Variants in MMP20 observed in about 807,000 individuals in gnomAD.
MMP20 encodes the protein matrix metalloproteinase-20.
Under a neutral mutation model 51.8 loss-of-function variants are expected in MMP20, and 50 were observed. The ratio of observed to expected loss-of-function variants is 0.97; its 90% confidence interval spans 0.77 to 1.22. The LOEUF is 1.22. Ranked by LOEUF, MMP20 falls within the 50% of genes most tolerant of loss-of-function variation. The probability of loss-of-function intolerance (pLI) is 0.00; values close to 1 mark genes in which losing one functional copy is unlikely to be tolerated. For synonymous variants in MMP20, 244 were observed against 216.2 expected (o/e 1.13, Z -1.13); for missense variants, 663 against 601.4 (o/e 1.10, Z -1.07).
rs1859133976 is a variant in MMP20 at position 102,577,043 on chromosome 11, A to C, written c.*283T>G. ...AAAATCAAACGGATCAATCTGCTTC[A>C]GTATATTAGGTAAGAAAAAATAATG... On this transcript the variant is annotated 3_prime_UTR_variant, in exon 10 of 10. Transcript: ENST00000260228. The C allele has an allele frequency of 2.6e-6, 1 of 381,246 alleles. No individual in the cohort carries two copies. The highest frequency in any genetic ancestry group is 4.9e-6 in the Non-Finnish European group (1 of 203,860). 23.6% of individuals were successfully genotyped at this position (381,246 alleles called of 1,614,324 possible). A position where few individuals can be genotyped will look rare whatever the true frequency, so the allele number is the denominator to read the frequency against.
At chr11:102,590,922 A>T (rs1207476689) in intron 8 of MMP20, among the ~76,000 whole-genome samples, 2 of 152,198 alleles carry the variant, frequency 1.3e-5, no homozygotes, top group Non-Finnish European at 2.9e-5. Context: ...GCAGAGCAAA[A>T]TGTTTAAGGG....
chr11:102,597,122 C>A (rs967859954), intron 6 of MMP20, among the ~76,000 whole-genome samples: 1 of 152,156 alleles, frequency 6.6e-6, no homozygotes, highest in African/African-American at 2.4e-5. Flanking sequence ...GATATGTCTT[C>A]CCAAAACTAG....
chr11:102,617,943 A>T lies in MMP20; in HGVS notation c.127-884T>A, dbSNP rs17099119. 6.7e-3 allele frequency among the ~76,000 whole-genome samples: 1,026 copies of T among 152,270 alleles called. 17 individuals are homozygous for T. Among genetic ancestry groups the T allele is most frequent in the African/African-American group, 0.024 (977 of 41,560 alleles). On this transcript the variant is annotated intron_variant, in intron 1 of 9. Transcript: ENST00000260228. ...AGGGTTCAGTCCTCCTTTCATGTCCATGGGGGAATTGGTCCCAGGACCTCT... is the reference window on the plus strand; with the variant it reads ...AGGGTTCAGTCCTCCTTTCATGTCCTTGGGGGAATTGGTCCCAGGACCTCT...
At chr11:102,583,787 C>A (rs574775498) in intron 8 of MMP20, among the ~76,000 whole-genome samples, 64 of 152,330 alleles carry the variant, frequency 4.2e-4, no homozygotes, top group African/African-American at 1.4e-3. Context: ...TCCCCATACT[C>A]CACATCCTCA....
intron 8 of MMP20, among the ~76,000 whole-genome samples, chr11:102,592,037 G>A (rs778196341): frequency 2.0e-5 from 3 of 152,024 alleles, no homozygotes; most frequent in Admixed American, 6.6e-5. Context: ...TAACATAAAC[G>A]CCCTCATACT....
At chr11:102,577,698 T>TC (rs1367082648) in intron 9 of MMP20, among the ~76,000 whole-genome samples, 25 of 152,326 alleles carry the variant, frequency 1.6e-4, no homozygotes, top group African/African-American at 5.8e-4. Flanking sequence ...GTGCTTCTGC[T>TC]CAGGCTGCTC....
chr11:102,578,323 G>C (rs12792880), intron 9 of MMP20, among the ~76,000 whole-genome samples: 37,219 of 151,700 alleles, frequency 0.25, 4,725 homozygotes, highest in East Asian at 0.29. Flanking sequence ...TTTTTGTAGA[G>C]ACAGAGTTTT....
At chr11:102,579,599 C>T (rs1206541969) in intron 8 of MMP20, among the ~76,000 whole-genome samples, 15 of 152,198 alleles carry the variant, frequency 9.9e-5, no homozygotes, top group Admixed American at 9.8e-4. Flanking sequence ...CAGGAATAAG[C>T]CACTGGGCCT....
At chr11:102,577,570 TC>T (rs745773870) in intron 9 of MMP20, 144 bp from the exon 10 acceptor site, 2 of 689,362 alleles carry the variant, frequency 2.9e-6, no homozygotes, top group Non-Finnish European at 5.3e-6. Flanking sequence ...TCTTCTGTCT[TC>T]ATGCCCTAGA....
At chr11:102,615,871 G>C (rs530606729) in intron 2 of MMP20, among the ~76,000 whole-genome samples, 1 of 152,106 alleles carries the variant, frequency 6.6e-6, no homozygotes, top group Non-Finnish European at 1.5e-5. Flanking sequence ...GCACCCATCT[G>C]TCATGCATGA....
intron 8 of MMP20, among the ~76,000 whole-genome samples, chr11:102,584,502 C>A (rs754798004): frequency 6.6e-6 from 1 of 152,060 alleles, no homozygotes; most frequent in Non-Finnish European, 1.5e-5. Flanking sequence ...ATTGAATAGT[C>A]GTTTATATAT....
intron 6 of MMP20, among the ~76,000 whole-genome samples, chr11:102,605,976 G>C (rs1859509737): frequency 6.6e-6 from 1 of 152,200 alleles, no homozygotes; most frequent in Non-Finnish European, 1.5e-5. Context: ...AGTTTCGGAA[G>C]AATGCTGGCC....
In MMP20 at chr11:102,608,965, A is replaced by T; in HGVS notation, c.783T>A (p.Asp261Glu). The T allele has an allele frequency of 6.2e-7, 1 of 1,614,072 alleles. No individual in the cohort carries two copies. Among genetic ancestry groups the T allele is most frequent in the Non-Finnish European group, 8.5e-7 (1 of 1,179,970 alleles). Residue 261 changes from aspartate (D) to glutamate (E), a missense_variant, in exon 5 of 10, where the codon GAT (aspartate) becomes GAA (glutamate). Transcript: ENST00000260228. The part of the protein sequence containing the change: ...KNPYGFHLPK[D>E]DVKGIQALYG... ...ATAATGCCTGGATCCCTTTCACATC[A>T]TCTTTGGGGAGGTGGAATCCATAGG...
At chr11:102,615,727 G>A (rs1859661308) in intron 2 of MMP20, among the ~76,000 whole-genome samples, 1 of 152,090 alleles carries the variant, frequency 6.6e-6, no homozygotes, top group Admixed American at 6.6e-5. Flanking sequence ...TGGGAATGCT[G>A]CCCATCAACA....
intron 7 of MMP20, 44 bp downstream of exon 7, chr11:102,594,577 A>G (rs746250210): frequency 1.6e-4 from 260 of 1,610,144 alleles, no homozygotes; most frequent in Non-Finnish European, 2.2e-4. Flanking sequence ...TGAATGGGGC[A>G]CTGCAGCCCT....
chr11:102,612,271 C>T (rs180979058), intron 2 of MMP20, among the ~76,000 whole-genome samples: 5 of 152,294 alleles, frequency 3.3e-5, no homozygotes, highest in Admixed American at 2.0e-4. Context: ...TCGAGATCAG[C>T]CTAGCCAAGA....
At chr11:102,620,113 C>T (rs968353515) in intron 1 of MMP20, among the ~76,000 whole-genome samples, 3 of 152,174 alleles carry the variant, frequency 2.0e-5, no homozygotes, top group South Asian at 2.1e-4. Flanking sequence ...TTTGCAACCT[C>T]CTTCCAGTCA....
In MMP20 at chr11:102,577,079, G is replaced by T. The variant is rs1266909415; in HGVS notation, c.*247C>A. On this transcript the variant is annotated 3_prime_UTR_variant, in exon 10 of 10. Transcript: ENST00000260228. The stretch of plus-strand genomic sequence containing the variant: ...TAAGAAAAAATAATGGTGTCTAACT[G>T]CAGAGTGCATTGTGTTGATTTGGAT... The T allele has an allele frequency of 4.2e-6, 2 of 472,284 alleles. No homozygotes were observed. Among genetic ancestry groups the T allele is most frequent in the Non-Finnish European group, 7.7e-6 (2 of 258,588 alleles). The allele number at this position is 472,284 out of a possible 1,614,324, so 29.3% of individuals were successfully genotyped here.
chr11:102,577,162 A>G lies in MMP20; in HGVS notation c.*164T>C. 1.6e-6 allele frequency: 1 copy of G among 617,856 alleles called. No individual in the cohort carries two copies. The highest frequency in any genetic ancestry group is 2.9e-5 in the East Asian group (1 of 35,028). 38.3% of individuals were successfully genotyped at this position (617,856 alleles called of 1,614,324 possible). On this transcript the variant is annotated 3_prime_UTR_variant, in exon 10 of 10. Coordinates refer to ENST00000260228, the MANE Select transcript of MMP20 (RefSeq NM_004771.4). ...TAATGTGGATTGAAATTCTGATTAT[A>G]CAACTATGAAAAAAATTGGAAGTAT...
Sources: gnomAD v4.1 joint callset for allele counts (sites outside exome capture counted in the v4.1 genomes callset) on GRCh38, gnomAD v4.1.1 for gene constraint, MANE v1.5 for transcripts, NCBI Gene and HGNC (gene_info 2026-07-23, HGNC 2026-07-21) for gene names.